The following KRT6B variants were observed in gnomAD, a reference collection of about 807,000 sequenced individuals.
KRT6B encodes the protein keratin 6B.
Under a neutral mutation model 44.7 loss-of-function variants are expected in KRT6B, and 29 were observed. The ratio of observed to expected loss-of-function variants is 0.65; its 90% CI spans 0.48 to 0.88. KRT6B has a LOEUF of 0.88. Ranked by LOEUF, KRT6B falls within the 40% of genes least tolerant of loss-of-function variation. The pLI is 0.00. For missense variants in KRT6B, 600 were observed against 724.0 expected, an observed-to-expected ratio of 0.83 and a Z score of 1.97; for synonymous variants, 213 against 296.0, an observed-to-expected ratio of 0.72 and a Z score of 2.88.
In KRT6B at chr12:52,450,434, G is replaced by T. The variant is rs1403923514; in HGVS notation, c.727C>A (p.Gln243Lys). 3 of 1,614,072 alleles carry T rather than the reference G, an allele frequency of 1.9e-6. No homozygotes were observed. The African/African-American group carries it at 4.0e-5, about 22-fold the overall frequency. The change falls in exon 2 of 9, where the codon CAG becomes AAG. Residue 243 changes from glutamine (Q) to lysine (K), a missense_variant. Transcript: ENST00000252252. ...TTCTTGAGGTCCTCCACCAGGTCCT[G>T]CATGTTTCTCAGCTCCGAGTCCAGA... ...GRLDSELRNM[Q>K]DLVEDLKNKY... is the part of the protein sequence containing the mutation.
At position 52,447,278 on chromosome 12, in the gene KRT6B, C is replaced by T. The variant is rs746223280; in HGVS notation, c.1607G>A (p.Gly536Glu). 6.2e-7 allele frequency: 1 copy of T among 1,614,010 alleles called. No individual in the cohort carries two copies. The highest frequency in any genetic ancestry group is 8.5e-7 in the Non-Finnish European group (1 of 1,179,862). Residue 536 changes from glycine (G) to glutamate (E), a missense_variant, in exon 9 of 9, where the codon GGG (glycine) becomes GAG (glutamate). Transcript: ENST00000252252. ...GFSSSSGRAT[G>E]GGLSSVGGGS... ...GCCTCCAACAGAGCTGAGGCCACCC[C>T]CAGTGGCTCTGCCGCTGCTGGAACT...
chr12:52,449,984 A>G, intron 3 of KRT6B, 28 bp downstream of exon 3: 1 of 1,613,858 alleles, frequency 6.2e-7, no homozygotes, highest in Non-Finnish European at 8.5e-7. Context: ...TTCTAAATGA[A>G]TTTGAACCCC....
chr12:52,446,839 AGC>A lies in KRT6B; in HGVS notation c.*349_*350del. 6 of 348,800 alleles carry A rather than the reference AGC, an allele frequency of 1.7e-5. No individual in the cohort carries two copies. The highest frequency in any genetic ancestry group is 3.2e-5 in the Non-Finnish European group (6 of 187,708). The allele number at this position is 348,800 out of a possible 1,614,324, so 21.6% of individuals were successfully genotyped here. A position where few individuals can be genotyped will look rare whatever the true frequency, so the allele number is the denominator to read the frequency against. On this transcript the variant is annotated 3_prime_UTR_variant, in exon 9 of 9. Transcript: ENST00000252252. ...TGTAGCTATAATGGGCAGGATGGTT[AGC>A]AATTAAAGAGAGGACTCCTCATCTG...
Position 52,449,415 on chromosome 12 carries a change from G to C in KRT6B, c.1077+54C>G, listed in dbSNP as rs1041961357. 5.6e-6 allele frequency: 9 copies of C among 1,613,324 alleles called. No homozygotes were observed. The East Asian group carries it at 2.0e-4, about 36-fold the overall frequency. ...TCCCCAGTGAAGTCTGCAGTCCTCT[G>C]GTATTCAGGGATGGACACAAGGATT... On this transcript the variant is annotated intron_variant, in intron 5 of 8. Transcript: ENST00000252252.
intron 6 of KRT6B, 120 bp downstream of exon 6, chr12:52,448,722 G>T: frequency 6.5e-7 from 1 of 1,532,822 alleles, no homozygotes; most frequent in Non-Finnish European, 8.9e-7. Flanking sequence ...GGAACTGCAT[G>T]TCTTTCCTTC....
At position 52,451,924 on chromosome 12, in the gene KRT6B, C is replaced by T. The variant is rs1190770992; in HGVS notation, c.155G>A (p.Gly52Glu). 6.2e-7 allele frequency: 1 copy of T among 1,612,956 alleles called. No homozygotes were observed. The highest frequency in any genetic ancestry group is 1.3e-5 in the African/African-American group (1 of 74,920). ...RGSGGLGGAC[G>E]GAGFGSRSLY... ...ACTGCGGCTGCCAAAGCCAGCTCCT[C>T]CACATGCGCCACCCAGGCCACCACT... is the stretch of plus-strand genomic sequence containing the variant. The change falls in exon 1 of 9, where the codon GGA (glycine) becomes GAA (glutamate). Residue 52 changes from glycine to glutamate, a missense_variant. Coordinates refer to ENST00000252252, the MANE Select transcript of KRT6B (RefSeq NM_005555.4).
chr12:52,449,057 G>A, intron 5 of KRT6B, 90 bp from the exon 6 acceptor site: 2 of 1,527,142 alleles, frequency 1.3e-6, no homozygotes, highest in East Asian at 2.3e-5. Flanking sequence ...ATGTCATGAA[G>A]TGGACCTAAT....
chr12:52,447,720 A>G (rs1940335335), intron 7 of KRT6B, 58 bp downstream of exon 7: 2 of 1,614,192 alleles, frequency 1.2e-6, no homozygotes, highest in Non-Finnish European at 8.5e-7. Flanking sequence ...AGTTGTGCTC[A>G]GTGCCAGAAC....
chr12:52,446,953 A>C lies in KRT6B; in HGVS notation c.*237T>G. ...TATGGCAGACTCAGATACCTGTAAT[A>C]ATACGGGAACTAAAAAGGACATTCG... On this transcript the variant is annotated 3_prime_UTR_variant, in exon 9 of 9. Coordinates refer to ENST00000252252, the MANE Select transcript of KRT6B (RefSeq NM_005555.4). 1.7e-6 allele frequency: 1 copy of C among 592,214 alleles called. No homozygotes were observed. The highest frequency in any genetic ancestry group is 2.1e-5 in the South Asian group (1 of 46,582). The allele number at this position is 592,214 out of a possible 1,614,324, so 36.7% of individuals were successfully genotyped here.
chr12:52,452,114 G>C lies in KRT6B; in HGVS notation c.-36C>G. On this transcript the variant is annotated 5_prime_UTR_variant, in exon 1 of 9. Transcript: ENST00000252252. ...GATGAGAGGGCTTAGGAGAGTGTGA[G>C]AGGCTGGAGGCGAGAGGGAGGAGAA... The C allele has an allele frequency of 6.2e-7, 1 of 1,614,094 alleles. No individual in the cohort carries two copies. Among genetic ancestry groups the C allele is most frequent in the Non-Finnish European group, 8.5e-7 (1 of 1,180,012 alleles).
Position 52,450,465 on chromosome 12 carries a change from C to A in KRT6B, c.696G>T (p.Arg232=). Residue 232 remains arginine, a synonymous_variant, in exon 2 of 9, where the codon CGG becomes CGT. Coordinates refer to ENST00000252252, the MANE Select transcript of KRT6B (RefSeq NM_005555.4). ...TTCTCAGCTCCGAGTCCAGACGACC[C>A]CGTTCCCCCACGATGTTGTCCAGCT... ...RRQLDNIVGE[R]GRLDSELRNM... 5.6e-6 allele frequency: 9 copies of A among 1,614,188 alleles called. No homozygotes were observed. The highest frequency in any genetic ancestry group is 7.6e-6 in the Non-Finnish European group (9 of 1,180,042).
chr12:52,448,348 G>A (rs1379064312), intron 6 of KRT6B, among the ~76,000 whole-genome samples: 2 of 152,126 alleles, frequency 1.3e-5, no homozygotes, highest in African/African-American at 2.4e-5. Context: ...ATTTGCAAAC[G>A]TTGTCAACTG....
At position 52,450,543 on chromosome 12, in the gene KRT6B, C is replaced by T. The variant is rs1268537382; in HGVS notation, c.618G>A (p.Val206=). The change falls in exon 2 of 9, where the codon GTG becomes GTA. Residue 206 remains valine (V), a synonymous_variant. Transcript: ENST00000252252. ...TLLQEQGTKT[V]RQNLEPLFEQ... ...CGAACAACGGCTCCAGGTTCTGCCT[C>T]ACAGTCTTGGTGCCCTGCTCCTGCA... The T allele has an allele frequency of 6.2e-7, 1 of 1,614,148 alleles. No homozygotes were observed. Among genetic ancestry groups the T allele is most frequent in the African/African-American group, 1.3e-5 (1 of 74,936 alleles).
Position 52,451,758 on chromosome 12 carries a change from G to T in KRT6B, c.321C>A (p.Gly107=), listed in dbSNP as rs1460237681. The T allele has an allele frequency of 1.2e-6, 2 of 1,611,968 alleles. No individual in the cohort carries two copies. The highest frequency in any genetic ancestry group is 2.7e-5 in the African/African-American group (2 of 74,594). The change falls in exon 1 of 9, where the codon GGC becomes GGA. Residue 107 remains glycine (G), a synonymous_variant. Coordinates refer to ENST00000252252, the MANE Select transcript of KRT6B (RefSeq NM_005555.4). ...CTCCACCACCCAGACCAAAGCCAATGCCGGCTCCACCACCGAAACCAAATC... is the reference window on the plus strand; with the variant it reads ...CTCCACCACCCAGACCAAAGCCAATTCCGGCTCCACCACCGAAACCAAATC... ...GSGFGFGGGA[G]IGFGLGGGAG...
rs1179530898 is a variant in KRT6B, at chr12:52,446,953, A to G, written c.*237T>C. 5.1e-6 allele frequency: 3 copies of G among 592,096 alleles called. No homozygotes were observed. Among genetic ancestry groups the G allele is most frequent in the Non-Finnish European group, 8.9e-6 (3 of 335,236 alleles). The allele number at this position is 592,096 out of a possible 1,614,324, so 36.7% of individuals were successfully genotyped here. A position where few individuals can be genotyped will look rare whatever the true frequency, so the allele number is the denominator to read the frequency against. On this transcript the variant is annotated 3_prime_UTR_variant, in exon 9 of 9. Coordinates refer to ENST00000252252, the MANE Select transcript of KRT6B (RefSeq NM_005555.4). ...TATGGCAGACTCAGATACCTGTAAT[A>G]ATACGGGAACTAAAAAGGACATTCG...
In KRT6B at chr12:52,449,590, A is replaced by T. The variant is rs1940364985; in HGVS notation, c.956T>A (p.Val319Glu). 3 of 1,614,218 alleles carry T rather than the reference A, an allele frequency of 1.9e-6. No individual in the cohort carries two copies. The highest frequency in any genetic ancestry group is 2.5e-6 in the Non-Finnish European group (3 of 1,180,032). The change falls in exon 5 of 9, where the codon GTG (valine) becomes GAG (glutamate). Residue 319 changes from valine to glutamate, a missense_variant. Physicochemically the swap from Val to Glu is moderately radical, Grantham distance 121 (BLOSUM62 -2). This residue lies in a region of KRT6B where 479 missense variants were observed against 454.2 expected (regional missense o/e 1.05). Coordinates refer to ENST00000252252, the MANE Select transcript of KRT6B (RefSeq NM_005555.4). ...MQTHISDTSV[V>E]LSMDNNRNLD... Reference sequence around the variant, plus strand: ...GTTGCGGTTGTTGTCCATGGATAGCACCACGGATGTGTCTGAGATGTGGGT... The same window carrying T: ...GTTGCGGTTGTTGTCCATGGATAGCTCCACGGATGTGTCTGAGATGTGGGT...
chr12:52,447,008 G>C lies in KRT6B; in HGVS notation c.*182C>G. The C allele has an allele frequency of 1.4e-6, 1 of 693,236 alleles. No homozygotes were observed. Among genetic ancestry groups the C allele is most frequent in the Non-Finnish European group, 2.4e-6 (1 of 413,592 alleles). The allele number at this position is 693,236 out of a possible 1,614,324, so 42.9% of individuals were successfully genotyped here. ...TCTGAGTGCTGATAACTGTTGACTTGATGGTAAGCAACAGGAGCTCAGTGG... is the reference window on the plus strand; with the variant it reads ...TCTGAGTGCTGATAACTGTTGACTTCATGGTAAGCAACAGGAGCTCAGTGG... On this transcript the variant is annotated 3_prime_UTR_variant, in exon 9 of 9. Coordinates refer to ENST00000252252, the MANE Select transcript of KRT6B (RefSeq NM_005555.4).
rs879076978 is a variant in KRT6B, at chr12:52,448,690, CAG to C, written c.1203+150_1203+151del. 62 of 1,287,918 alleles carry C rather than the reference CAG, an allele frequency of 4.8e-5. 1 individual carries two copies. In the South Asian group the frequency reaches 7.2e-4, roughly 15 times the overall value. The allele number at this position is 1,287,918 out of a possible 1,614,324, so 79.8% of individuals were successfully genotyped here. A position where few individuals can be genotyped will look rare whatever the true frequency, so the allele number is the denominator to read the frequency against. ...TTGGGTGTGATCCATGTCTCTGAGCCAGAGTGTTCTCACTGAGCCTAGGAACT... is the reference window on the plus strand; with the variant it reads ...TTGGGTGTGATCCATGTCTCTGAGCCAGTGTTCTCACTGAGCCTAGGAACT... On this transcript the variant is annotated intron_variant, in intron 6 of 8. Coordinates refer to ENST00000252252, the MANE Select transcript of KRT6B (RefSeq NM_005555.4).
Position 52,447,896 on chromosome 12 carries a change from T to A in KRT6B, c.1306A>T (p.Lys436Ter), listed in dbSNP as rs754446188. The A allele has an allele frequency of 1.2e-6, 2 of 1,614,196 alleles. No homozygotes were observed. Among genetic ancestry groups the A allele is most frequent in the South Asian group, 2.2e-5 (2 of 91,086 alleles). Residue 436 changes from lysine (K) to a stop codon, truncating the protein, a stop_gained, in exon 7 of 9, where the codon AAG becomes TAG. Transcript: ENST00000252252. LOFTEE classifies it high-confidence loss of function. Reference protein sequence around the residue: ...KLEGLEDALQKAKQDLARLLK... With the variant: ...KLEGLEDALQ ...AGCCGGGCCAGGTCCTGCTTGGCCT[T>A]CTGCAGGGCATCCTCCAGCCCTTCC... is the stretch of plus-strand genomic sequence containing the variant.
Sources: gnomAD v4.1 joint callset for allele counts (sites outside exome capture counted in the v4.1 genomes callset) on GRCh38, gnomAD v4.1.1 for gene constraint, gnomAD v4.1.1 regional missense constraint, MANE v1.5 for transcripts, NCBI Gene and HGNC (gene_info 2026-07-23, HGNC 2026-07-21) for gene names.